The following TBL1XR1 variants were observed in gnomAD, a reference collection of about 807,000 sequenced individuals.
The protein encoded by TBL1XR1 is F-box-like/WD repeat-containing protein TBL1XR1.
TBL1XR1 carries 5 observed loss-of-function variants against 66.9 expected under a neutral mutation model. That is an observed-to-expected ratio of 0.07 (90% CI 0.04 to 0.16). TBL1XR1 has a LOEUF of 0.16. Ranked by LOEUF, TBL1XR1 falls within the 10% of genes least tolerant of loss-of-function variation. The pLI is 1.00. For missense variants in TBL1XR1, 238 were observed against 623.2 expected, an observed-to-expected ratio of 0.38 and a Z score of 6.58; for synonymous variants, 210 against 206.0, an observed-to-expected ratio of 1.02 and a Z score of -0.17.
intron 1 of TBL1XR1, among the ~76,000 whole-genome samples, chr3:177,195,122 A>G (rs12486557): frequency 0.48 from 73,442 of 151,594 alleles, 18,897 homozygotes; most frequent in Non-Finnish European, 0.57. Flanking sequence ...AACAACTCAA[A>G]CGTCAAAAAA....
chr3:177,084,563 T>C (rs1049108113), intron 2 of TBL1XR1, among the ~76,000 whole-genome samples: 1 of 152,274 alleles, frequency 6.6e-6, no homozygotes, highest in African/African-American at 2.4e-5. Context: ...TCTTGGTTTA[T>C]AGATACTTGA....
chr3:177,030,294 A>G (rs1410810276), intron 14 of TBL1XR1, among the ~76,000 whole-genome samples: 3 of 151,622 alleles, frequency 2.0e-5, no homozygotes, highest in Admixed American at 6.6e-5. Context: ...TTATGAATAT[A>G]TTATTAATGA....
At chr3:177,160,932 G>A (rs1732117488) in intron 1 of TBL1XR1, 1 of 151,168 alleles carries the variant, frequency 6.6e-6, no homozygotes, top group African/African-American at 2.4e-5. Flanking sequence ...GAGGACGGAG[G>A]TTGTAGTGAG....
At chr3:177,173,187 C>CAAACAAAACA (rs768864920) in intron 1 of TBL1XR1, among the ~76,000 whole-genome samples, 1 of 152,088 alleles carries the variant, frequency 6.6e-6, no homozygotes, top group Non-Finnish European at 1.5e-5. Flanking sequence ...AACTCCATCT[C>CAAACAAAACA]AAACAAAACA....
chr3:177,094,760 C>T (rs890728842), intron 2 of TBL1XR1, among the ~76,000 whole-genome samples: 11 of 151,532 alleles, frequency 7.3e-5, no homozygotes, highest in African/African-American at 2.4e-4. Context: ...TAAGTGAGAG[C>T]GAAGCTATGA....
At chr3:177,096,327 T>TCCATACAC (rs1553840663) in intron 2 of TBL1XR1, among the ~76,000 whole-genome samples, 1 of 108,206 alleles carries the variant, frequency 9.2e-6, no homozygotes, top group African/African-American at 3.4e-5. Context: ...CACACTAACA[T>TCCATACAC]ACATACATAC....
intron 15 of TBL1XR1, 51 bp from the exon 16 acceptor site, chr3:177,025,575 T>C (rs1712992484): frequency 2.6e-6 from 4 of 1,563,074 alleles, no homozygotes; most frequent in African/African-American, 1.4e-5. Context: ...TTATTGTACA[T>C]TTTATGTTTA....
intron 1 of TBL1XR1, among the ~76,000 whole-genome samples, chr3:177,184,102 A>T (rs1735138319): frequency 6.6e-6 from 1 of 152,188 alleles, no homozygotes; most frequent in Non-Finnish European, 1.5e-5. Context: ...CTCCAGTTGA[A>T]GTTGAAAATG....
Position 177,098,516 on chromosome 3 carries a change from C to T in TBL1XR1, c.-96G>A. The T allele has an allele frequency of 1.0e-6, 1 of 985,798 alleles. No individual in the cohort carries two copies. Among genetic ancestry groups the T allele is most frequent in the Non-Finnish European group, 1.2e-6 (1 of 829,922 alleles). The allele number at this position is 985,798 out of a possible 1,614,324, so 61.1% of individuals were successfully genotyped here. A position where few individuals can be genotyped will look rare whatever the true frequency, so the allele number is the denominator to read the frequency against. On this transcript the variant is annotated 5_prime_UTR_variant, in exon 2 of 16. Coordinates refer to ENST00000457928, the MANE Select transcript of TBL1XR1 (RefSeq NM_024665.7). ...TGTGCAACTGAATATCCGGTCACCGCCAATCACAAGTTGCTGTTGTTGATG... is the reference window on the plus strand; with the variant it reads ...TGTGCAACTGAATATCCGGTCACCGTCAATCACAAGTTGCTGTTGTTGATG...
intron 2 of TBL1XR1, among the ~76,000 whole-genome samples, chr3:177,078,197 A>G (rs1175541925): frequency 2.0e-5 from 3 of 152,218 alleles, no homozygotes; most frequent in Admixed American, 6.5e-5. Flanking sequence ...TTTTAACAAA[A>G]CAAATCAGCA....
chr3:177,047,734 C>T (rs567946954), intron 7 of TBL1XR1, 185 bp from the exon 8 acceptor site: 1 of 603,082 alleles, frequency 1.7e-6, no homozygotes, highest in East Asian at 2.8e-5. Flanking sequence ...CTGTGTGACA[C>T]TAATGTTGTA....
intron 1 of TBL1XR1, among the ~76,000 whole-genome samples, chr3:177,176,230 T>C (rs1012807530): frequency 2.0e-5 from 3 of 151,940 alleles, no homozygotes; most frequent in Non-Finnish European, 2.9e-5. Context: ...AGTCTGGCTC[T>C]GTCGCCCAGG....
At chr3:177,166,926 G>A (rs1293071494) in intron 1 of TBL1XR1, among the ~76,000 whole-genome samples, 1 of 152,198 alleles carries the variant, frequency 6.6e-6, no homozygotes, top group Non-Finnish European at 1.5e-5. Context: ...GCCACTTTGG[G>A]AGACAGTTTA....
At chr3:177,049,039 T>G (rs966222326) in intron 7 of TBL1XR1, among the ~76,000 whole-genome samples, 5 of 152,198 alleles carry the variant, frequency 3.3e-5, no homozygotes, top group African/African-American at 9.6e-5. Context: ...TTTAGAATTG[T>G]CATATGGAGG....
In TBL1XR1 at chr3:177,025,523, A is replaced by G; in HGVS notation, c.1520T>C (p.Val507Ala). 1.2e-6 allele frequency: 2 copies of G among 1,612,592 alleles called. No individual in the cohort carries two copies. The highest frequency in any genetic ancestry group is 1.7e-6 in the Non-Finnish European group (2 of 1,179,352). ...KVGASASDGS[V>A]CVLDLRK ...CTATTTCCGAAGGTCTAATACACAA[A>G]CCTGTAAGAAATTAAAATAATCAAC... Residue 507 changes from valine to alanine, a missense_variant and splice_region_variant, in exon 16 of 16, where the codon GTT becomes GCT. Coordinates refer to ENST00000457928, the MANE Select transcript of TBL1XR1 (RefSeq NM_024665.7).
upstream of TBL1XR1, among the ~76,000 whole-genome samples, chr3:177,201,183 C>T (rs549178756): frequency 6.6e-6 from 1 of 151,134 alleles, no homozygotes; most frequent in African/African-American, 2.4e-5. Context: ...GAGGCCGAGG[C>T]GGGCGGATCA....
chr3:177,026,478 A>C lies in TBL1XR1; in HGVS notation c.1417-4T>G. Reference sequence around the variant, plus strand: ...AGCTGTGAACTAGAGCACCTGTCTAAAAGAATGAAAAACAAAATCTTAAAA... The same window carrying C: ...AGCTGTGAACTAGAGCACCTGTCTACAAGAATGAAAAACAAAATCTTAAAA... On this transcript the variant is annotated splice_polypyrimidine_tract_variant and splice_region_variant and intron_variant, in intron 14 of 15. Coordinates refer to ENST00000457928, the MANE Select transcript of TBL1XR1 (RefSeq NM_024665.7). The C allele has an allele frequency of 6.4e-7, 1 of 1,570,418 alleles. No individual in the cohort carries two copies. The highest frequency in any genetic ancestry group is 8.6e-7 in the Non-Finnish European group (1 of 1,165,664).
At chr3:177,053,031 G>A (rs1444733011) in intron 4 of TBL1XR1, among the ~76,000 whole-genome samples, 3 of 152,208 alleles carry the variant, frequency 2.0e-5, no homozygotes, top group African/African-American at 4.8e-5. Context: ...GAACCCAGGA[G>A]GCGGAGGTTG....
At chr3:177,040,023 G>T (rs1179573802) in intron 10 of TBL1XR1, among the ~76,000 whole-genome samples, 1 of 152,150 alleles carries the variant, frequency 6.6e-6, no homozygotes, top group Non-Finnish European at 1.5e-5. Flanking sequence ...ACTTAAAGGG[G>T]AAAAACAGGA....
Sources: allele counts gnomAD v4.1 joint callset (sites outside exome capture counted in the v4.1 genomes callset), GRCh38; gene constraint gnomAD v4.1.1; transcripts MANE v1.5; gene names NCBI Gene and HGNC (gene_info 2026-07-23, HGNC 2026-07-21).